ATP11A: variants seen among roughly 807,000 people sequenced by gnomAD.
ATP11A encodes the protein phospholipid-transporting ATPase IH.
A neutral mutation model predicts 154.4 loss-of-function variants in ATP11A; 81 were observed. The ratio of observed to expected loss-of-function variants is 0.52; its 90% CI spans 0.44 to 0.63. The LOEUF (loss-of-function observed/expected upper bound fraction) is 0.63. ATP11A is among the 30% of genes least tolerant of loss of function. The pLI, the probability that ATP11A is intolerant of heterozygous loss-of-function variation, is 0.00. For missense variants in ATP11A, 1,316 were observed against 1,474.3 expected (o/e 0.89, Z 1.76); for synonymous variants, 623 against 585.9 (o/e 1.06, Z -0.91).
intron 1 of ATP11A, among the ~76,000 whole-genome samples, chr13:112,719,455 G>A (rs1303252237): frequency 6.6e-6 from 1 of 152,210 alleles, no homozygotes; most frequent in Non-Finnish European, 1.5e-5. Context: ...TCAAAATAAT[G>A]TATCCTTGAT....
At chr13:112,874,329 C>T (rs558827101) in intron 27 of ATP11A, among the ~76,000 whole-genome samples, 4 of 152,310 alleles carry the variant, frequency 2.6e-5, no homozygotes, top group Admixed American at 1.3e-4. Flanking sequence ...GACCGCCGGC[C>T]GTGAGGATCC....
At chr13:112,749,847 G>A (rs1389429725) in intron 1 of ATP11A, among the ~76,000 whole-genome samples, 2 of 132,334 alleles carry the variant, frequency 1.5e-5, no homozygotes, top group African/African-American at 2.9e-5. Flanking sequence ...GGGAAGGAGA[G>A]TCTCCATCCT....
At chr13:112,751,517 G>A (rs906560635) in intron 1 of ATP11A, among the ~76,000 whole-genome samples, 1 of 151,974 alleles carries the variant, frequency 6.6e-6, no homozygotes, top group East Asian at 1.9e-4. Flanking sequence ...AAAATTAGCC[G>A]GATGTGGTGA....
In ATP11A at chr13:112,717,606, T is replaced by A. The variant is rs550601642; in HGVS notation, c.39+27151T>A. 2.6e-5 allele frequency: 4 copies of A among 152,390 alleles called. No homozygotes were observed. In the East Asian group the frequency reaches 7.7e-4, roughly 29 times the overall value. The allele number at this position is 152,390 out of a possible 1,614,324, so 9.4% of individuals were successfully genotyped here. A position where few individuals can be genotyped will look rare whatever the true frequency, so the allele number is the denominator to read the frequency against. On this transcript the variant is annotated intron_variant, in intron 1 of 29. Coordinates refer to ENST00000375645, the MANE Select transcript of ATP11A (RefSeq NM_015205.3). ...CTGTCAAGTTTATAGATTTTCATTT[T>A]ATTTGCTAATTCATTTTTCAGTTCT...
chr13:112,810,217 A>G (rs556663275), intron 4 of ATP11A, among the ~76,000 whole-genome samples: 5 of 152,344 alleles, frequency 3.3e-5, no homozygotes, highest in Middle Eastern at 3.4e-3. Context: ...AACTGGCTCC[A>G]CGTCTTCGGG....
At chr13:112,750,903 C>T (rs1254314656) in intron 1 of ATP11A, among the ~76,000 whole-genome samples, 2 of 152,214 alleles carry the variant, frequency 1.3e-5, no homozygotes, top group Non-Finnish European at 2.9e-5. Context: ...ATTATCCTCT[C>T]CTTCATCAAA....
intron 1 of ATP11A, among the ~76,000 whole-genome samples, chr13:112,779,016 T>TGAG (rs1263705059): frequency 8.9e-6 from 1 of 112,236 alleles, no homozygotes. Context: ...GCCACTGGAG[T>TGAG]GAGTAGCCGC....
intron 1 of ATP11A, among the ~76,000 whole-genome samples, chr13:112,734,111 A>T (rs971287622): frequency 7.2e-5 from 11 of 152,072 alleles, no homozygotes; most frequent in Admixed American, 6.6e-4. Context: ...CCACCAGGAG[A>T]GTGAGTGCTC....
At chr13:112,762,449 G>A (rs1213436667) in intron 1 of ATP11A, among the ~76,000 whole-genome samples, 1 of 152,124 alleles carries the variant, frequency 6.6e-6, no homozygotes, top group East Asian at 1.9e-4. Flanking sequence ...CCCCGAGACT[G>A]CTGTGCGCCT....
intron 1 of ATP11A, among the ~76,000 whole-genome samples, chr13:112,776,519 G>A (rs1036879317): frequency 6.6e-6 from 1 of 152,242 alleles, no homozygotes; most frequent in Non-Finnish European, 1.5e-5. Context: ...TTTGCACGCT[G>A]TGCTCCGGCC....
chr13:112,810,569 C>A (rs746961800), intron 4 of ATP11A, 50 bp from the exon 5 acceptor site: 1 of 1,481,844 alleles, frequency 6.7e-7, no homozygotes, highest in Admixed American at 1.7e-5. Context: ...CTTTCTCCTC[C>A]TTCCCTCTCT....
At chr13:112,776,882 C>T (rs1594648667) in intron 1 of ATP11A, among the ~76,000 whole-genome samples, 1 of 148,700 alleles carries the variant, frequency 6.7e-6, no homozygotes, top group South Asian at 2.2e-4. Flanking sequence ...CAGGCTTGAG[C>T]CCCCGCGACC....
At chr13:112,848,048 A>AC (rs2079655800) in intron 17 of ATP11A, among the ~76,000 whole-genome samples, 2 of 152,206 alleles carry the variant, frequency 1.3e-5, no homozygotes, top group Admixed American at 6.5e-5. Context: ...CCGTGATGGC[A>AC]CCACTGCATG....
Position 112,785,185 on chromosome 13 carries a change from C to G in ATP11A, c.90C>G (p.His30Gln), listed in dbSNP as rs771483674. 2 of 1,579,050 alleles carry G rather than the reference C, an allele frequency of 1.3e-6. No individual in the cohort carries two copies. Among genetic ancestry groups the G allele is most frequent in the South Asian group, 2.3e-5 (2 of 86,434 alleles). The change falls in exon 2 of 30, where the codon CAC (histidine) becomes CAG (glutamine). Residue 30 changes from histidine (H) to glutamine (Q), a missense_variant. By Grantham distance (24) the His-to-Gln change is conservative. Coordinates refer to ENST00000375645, the MANE Select transcript of ATP11A (RefSeq NM_015205.3). This position sits in a 1 kb window ranked among gnomAD's most constrained non-coding sequence, Gnocchi z 4.8. ...WVDSRTIYVG[H>Q]REPPPGAEAY... ...ACAGCAGGACCATCTACGTGGGACACAGGGAGCCACCTCCGGGCGCAGAGG... is the reference window on the plus strand; with the variant it reads ...ACAGCAGGACCATCTACGTGGGACAGAGGGAGCCACCTCCGGGCGCAGAGG...
chr13:112,738,366 A>G (rs1356278046), intron 1 of ATP11A, among the ~76,000 whole-genome samples: 1 of 142,156 alleles, frequency 7.0e-6, no homozygotes, highest in East Asian at 1.9e-4. Flanking sequence ...AGAGTGAAAC[A>G]CCGTCTCAAA....
intron 1 of ATP11A, among the ~76,000 whole-genome samples, chr13:112,765,679 T>C (rs1342428687): frequency 6.6e-6 from 1 of 152,346 alleles, no homozygotes; most frequent in East Asian, 1.9e-4. Flanking sequence ...GAAAACTAGA[T>C]TCACTTTGAA....
chr13:112,727,821 C>T (rs569230667), intron 1 of ATP11A, among the ~76,000 whole-genome samples: 5 of 152,232 alleles, frequency 3.3e-5, no homozygotes, highest in South Asian at 2.1e-4. Flanking sequence ...CCACGCAGCT[C>T]GGGGACTCCG....
In ATP11A at chr13:112,690,266, G is replaced by C; in HGVS notation, c.-151G>C. 1 of 313,708 alleles carries C rather than the reference G, an allele frequency of 3.2e-6. No individual in the cohort carries two copies. Among genetic ancestry groups the C allele is most frequent in the East Asian group, 1.5e-4 (1 of 6,804 alleles). 19.4% of individuals were successfully genotyped at this position (313,708 alleles called of 1,614,324 possible). On this transcript the variant is annotated 5_prime_UTR_variant, in exon 1 of 30. Coordinates refer to ENST00000375645, the MANE Select transcript of ATP11A (RefSeq NM_015205.3). The surrounding 1 kb of genome is among the most constrained non-coding windows in gnomAD (Gnocchi z 5.6). The stretch of plus-strand genomic sequence containing the variant: ...CGCCGGCCGGGCCGGGCATGAGCGC[G>C]GAGGGGCCGCGGCCGCCCCCTGCAC...
At chr13:112,867,611 A>G (rs765750020) in intron 25 of ATP11A, among the ~76,000 whole-genome samples, 9 of 152,210 alleles carry the variant, frequency 5.9e-5, no homozygotes, top group Non-Finnish European at 1.3e-4. Flanking sequence ...CCTGGTGGTC[A>G]GTGGGCACTG....
Sources: allele counts gnomAD v4.1 joint callset (sites outside exome capture counted in the v4.1 genomes callset), GRCh38; gene constraint gnomAD v4.1.1; non-coding constraint Gnocchi (gnomAD v3.1); transcripts MANE v1.5; gene names NCBI Gene and HGNC (gene_info 2026-07-23, HGNC 2026-07-21).